The following BMF variants were observed in gnomAD, a reference collection of about 807,000 sequenced individuals.
BMF encodes bcl-2-modifying factor.
Under a neutral mutation model 22.0 loss-of-function variants are expected in BMF, and 10 were observed. The observed-to-expected ratio is 0.45, with a 90% CI of 0.28 to 0.77. The LOEUF is 0.77. BMF is among the 30% of genes least tolerant of loss of function. The pLI is 0.13. For synonymous variants in BMF, 87 were observed against 88.1 expected (o/e 0.99, Z 0.07); for missense variants, 206 against 226.8 (o/e 0.91, Z 0.59).
At chr15:40,098,281 C>A (rs762561511) in intron 4 of BMF, among the ~76,000 whole-genome samples, 9 of 152,344 alleles carry the variant, frequency 5.9e-5, no homozygotes, top group Non-Finnish European at 1.2e-4. Context: ...GGGGACAGAG[C>A]TGTGCTGCAC....
At position 40,106,237 on chromosome 15, in the gene BMF, A is replaced by T; in HGVS notation, c.-5-146T>A. On this transcript the variant is annotated intron_variant, in intron 2 of 4. Coordinates refer to ENST00000354670, the MANE Select transcript of BMF (RefSeq NM_001003940.2). The surrounding 1 kb of genome is among the most constrained non-coding windows in gnomAD (Gnocchi z 4.1). ...CTGATGACATACAACCCTGGTAATAAAGCACTGCTAAGGGTGACATTCACT... is the reference window on the plus strand; with the variant it reads ...CTGATGACATACAACCCTGGTAATATAGCACTGCTAAGGGTGACATTCACT... The T allele has an allele frequency of 1.1e-6, 1 of 870,358 alleles. No homozygotes were observed. Among genetic ancestry groups the T allele is most frequent in the Non-Finnish European group, 1.7e-6 (1 of 590,648 alleles). 53.9% of individuals were successfully genotyped at this position (870,358 alleles called of 1,614,324 possible).
chr15:40,104,696 C>G (rs957976388), intron 3 of BMF, among the ~76,000 whole-genome samples: 1 of 152,228 alleles, frequency 6.6e-6, no homozygotes, highest in African/African-American at 2.4e-5. Flanking sequence ...CAGGTTGAAG[C>G]TCTTCTCTGG....
At chr15:40,100,609 G>A (rs777270212) in intron 4 of BMF, among the ~76,000 whole-genome samples, 2 of 152,188 alleles carry the variant, frequency 1.3e-5, no homozygotes, top group Non-Finnish European at 2.9e-5. Context: ...TTCTGCCTCC[G>A]GTTTTTTGCC....
intron 4 of BMF, among the ~76,000 whole-genome samples, chr15:40,095,468 G>C (rs1409385133): frequency 6.6e-6 from 1 of 152,116 alleles, no homozygotes; most frequent in Admixed American, 6.5e-5. Flanking sequence ...GGGAAGAGAG[G>C]GGAACCAGGA....
In BMF at chr15:40,104,168, C is replaced by G. The variant is rs779718409; in HGVS notation, c.453+12G>C. ...CAGACTCAACCCTCCTCCCCTAAAC[C>G]CCCGTGCCTACTTGCTGCACATGAA... On this transcript the variant is annotated intron_variant, in intron 4 of 4. Transcript: ENST00000354670. 6.2e-7 allele frequency: 1 copy of G among 1,614,072 alleles called. No homozygotes were observed. The highest frequency in any genetic ancestry group is 1.1e-5 in the South Asian group (1 of 91,064).
chr15:40,095,774 T>C (rs886567377), intron 4 of BMF, among the ~76,000 whole-genome samples: 5 of 152,130 alleles, frequency 3.3e-5, no homozygotes, highest in African/African-American at 1.2e-4. Context: ...TGCCCTAACA[T>C]GGTAGATCAC....
In BMF at chr15:40,089,410, G is replaced by GT. The variant is rs2036193499; in HGVS notation, c.*2376dup. The GT allele has an allele frequency of 6.6e-6, 1 of 152,274 alleles. No individual in the cohort carries two copies. The highest frequency in any genetic ancestry group is 1.5e-5 in the Non-Finnish European group (1 of 68,076). The allele number at this position is 152,274 out of a possible 1,614,324, so 9.4% of individuals were successfully genotyped here. ...GGTGGGGAAGAAGGGAGAGGGAAAC[G>GT]TGAGGGGTGTAAATTTTGCCCTGGC... is the stretch of plus-strand genomic sequence containing the variant. On this transcript the variant is annotated 3_prime_UTR_variant, in exon 5 of 5. Coordinates refer to ENST00000354670, the MANE Select transcript of BMF (RefSeq NM_001003940.2).
intron 4 of BMF, among the ~76,000 whole-genome samples, chr15:40,103,569 C>T (rs912145054): frequency 1.3e-5 from 2 of 152,222 alleles, no homozygotes; most frequent in East Asian, 1.9e-4. Context: ...GCCAGGCTGC[C>T]GGCCAAGCGC....
chr15:40,101,591 A>C (rs1365835285), intron 4 of BMF, among the ~76,000 whole-genome samples: 6 of 152,226 alleles, frequency 3.9e-5, no homozygotes, highest in Non-Finnish European at 7.3e-5. Flanking sequence ...TGACAACAGT[A>C]CTTTCTAGAT....
intron 4 of BMF, among the ~76,000 whole-genome samples, chr15:40,093,363 C>T (rs1339492948): frequency 1.3e-5 from 2 of 152,210 alleles, no homozygotes; most frequent in Non-Finnish European, 2.9e-5. Context: ...GCAGCTCCTG[C>T]CCGGAGGGGA....
At chr15:40,094,516 T>C (rs992314416) in intron 4 of BMF, among the ~76,000 whole-genome samples, 1 of 152,184 alleles carries the variant, frequency 6.6e-6, no homozygotes, top group Non-Finnish European at 1.5e-5. Flanking sequence ...GGCTTTCGGG[T>C]TGGATCTCCC....
intron 4 of BMF, among the ~76,000 whole-genome samples, chr15:40,100,626 T>C (rs748772857): frequency 2.0e-5 from 3 of 152,200 alleles, no homozygotes; most frequent in Non-Finnish European, 4.4e-5. Flanking sequence ...TGCCTGTGGA[T>C]CTGGAAGAGT....
chr15:40,095,155 AC>A (rs1457439429), intron 4 of BMF, among the ~76,000 whole-genome samples: 9 of 152,230 alleles, frequency 5.9e-5, no homozygotes, highest in Admixed American at 5.9e-4. Flanking sequence ...ACAAGCAGAT[AC>A]CACACAGGCT....
chr15:40,092,137 T>C (rs2036247694), intron 4 of BMF, among the ~76,000 whole-genome samples: 1 of 152,216 alleles, frequency 6.6e-6, no homozygotes, highest in Admixed American at 6.5e-5. Context: ...ATATGCACTA[T>C]GCACAAGAGG....
At chr15:40,093,006 C>T (rs2036275383) in intron 4 of BMF, among the ~76,000 whole-genome samples, 5 of 152,220 alleles carry the variant, frequency 3.3e-5, no homozygotes, top group Non-Finnish European at 1.5e-5. Context: ...TTCTCTTAAA[C>T]TGTCTTTAAC....
At position 40,106,013 on chromosome 15, in the gene BMF, T is replaced by G. The variant is rs770481643; in HGVS notation, c.74A>C (p.Gln25Pro). 2.5e-6 allele frequency: 4 copies of G among 1,613,820 alleles called. No homozygotes were observed. In the South Asian group the frequency reaches 3.3e-5, roughly 13 times the overall value. ...FQPEDGEPVTQPGSLLSADLF... is the reference protein window; with the variant it reads ...FQPEDGEPVTPPGSLLSADLF... ...GTCAGCAGAGAGCAAGCTCCCGGGT[T>G]GGGTCACCGGCTCCCCATCCTCTGG... Residue 25 changes from glutamine (Q) to proline (P), a missense_variant, in exon 3 of 5, where the codon CAA becomes CCA. By Grantham distance (76) the Gln-to-Pro change is moderately conservative. Transcript: ENST00000354670. The surrounding 1 kb of genome is among the most constrained non-coding windows in gnomAD (Gnocchi z 4.1).
chr15:40,095,817 G>GC (rs2036347682), intron 4 of BMF, among the ~76,000 whole-genome samples: 1 of 152,218 alleles, frequency 6.6e-6, no homozygotes, highest in South Asian at 2.1e-4. Context: ...GCACAAGCAG[G>GC]CATCAGAGCC....
At chr15:40,102,939 A>C (rs2141041513) in intron 4 of BMF, among the ~76,000 whole-genome samples, 1 of 152,196 alleles carries the variant, frequency 6.6e-6, no homozygotes, top group East Asian at 1.9e-4. Context: ...CTTCCTGATC[A>C]CTAAGGGACT....
chr15:40,104,105 CAAGAG>C (rs2036534825), intron 4 of BMF, 70 bp downstream of exon 4: 2 of 1,573,250 alleles, frequency 1.3e-6, no homozygotes, highest in Non-Finnish European at 1.7e-6. Context: ...GAGTTGCTGA[CAAGAG>C]GAGAGAGGCA....
Sources: allele counts gnomAD v4.1 joint callset (sites outside exome capture counted in the v4.1 genomes callset), GRCh38; gene constraint gnomAD v4.1.1; non-coding constraint Gnocchi (gnomAD v3.1); transcripts MANE v1.5; gene names NCBI Gene and HGNC (gene_info 2026-07-23, HGNC 2026-07-21).